RASGRF2: variants seen among roughly 807,000 people sequenced by gnomAD.
RASGRF2 encodes the protein ras-specific guanine nucleotide-releasing factor 2.
Under a neutral mutation model 151.0 loss-of-function variants are expected in RASGRF2, and 76 were observed. The observed-to-expected ratio is 0.50, with a 90% CI of 0.42 to 0.61. RASGRF2 has a LOEUF of 0.61. Ranked by LOEUF, RASGRF2 falls within the 20% of genes least tolerant of loss-of-function variation. RASGRF2 has a pLI of 0.00. For missense variants in RASGRF2, 1,148 were observed against 1,564.6 expected, an observed-to-expected ratio of 0.73 and a Z score of 4.49; for synonymous variants, 504 against 566.5, an observed-to-expected ratio of 0.89 and a Z score of 1.57.
At chr5:81,060,773 C>G (rs1751406250) in intron 2 of RASGRF2, among the ~76,000 whole-genome samples, 4 of 152,182 alleles carry the variant, frequency 2.6e-5, no homozygotes, top group Admixed American at 2.6e-4. Context: ...TGTATTTTCT[C>G]TTTTCTCCCC....
chr5:81,075,159 T>C (rs1162620608), intron 5 of RASGRF2, among the ~76,000 whole-genome samples: 3 of 152,190 alleles, frequency 2.0e-5, no homozygotes, highest in African/African-American at 7.2e-5. Flanking sequence ...TAAGAGATGA[T>C]TATAATGGAG....
At chr5:80,983,381 A>G (rs1748374312) in intron 1 of RASGRF2, among the ~76,000 whole-genome samples, 1 of 152,164 alleles carries the variant, frequency 6.6e-6, no homozygotes, top group Admixed American at 6.5e-5. Flanking sequence ...GGCTCTCTGC[A>G]TGGTTGTGGG....
At chr5:81,112,053 A>G (rs966195862) in intron 13 of RASGRF2, among the ~76,000 whole-genome samples, 1 of 152,158 alleles carries the variant, frequency 6.6e-6, no homozygotes, top group Admixed American at 6.5e-5. Flanking sequence ...GAGAGAAGGA[A>G]TCCACAGAGT....
intron 17 of RASGRF2, among the ~76,000 whole-genome samples, chr5:81,128,154 C>T (rs959163302): frequency 6.6e-6 from 1 of 151,996 alleles, no homozygotes; most frequent in African/African-American, 2.4e-5. Flanking sequence ...AAGCGGGGAG[C>T]TGTTTGGTAA....
rs1464839008 is a variant in RASGRF2 at position 81,112,635 on chromosome 5, G to A, written c.1864G>A (p.Asp622Asn). ...GTCTGATGCCCGTCTTCATAAAGAC[G>A]ACACTGACATTTGCTTCAGTAAAAC... ...IKSDARLHKD[D>N]TDICFSKTLN... is the part of the protein sequence containing the mutation. The change falls in exon 14 of 27, where the codon GAC becomes AAC. Residue 622 changes from aspartate (D) to asparagine (N), a missense_variant. Physicochemically the swap from Asp to Asn is conservative, Grantham distance 23 (BLOSUM62 1). This residue lies in a region of RASGRF2 where 646 missense variants were observed against 807.4 expected (regional missense o/e 0.80). Transcript: ENST00000265080. The A allele has an allele frequency of 7.4e-6, 12 of 1,614,108 alleles. No individual in the cohort carries two copies. The highest frequency in any genetic ancestry group is 1.0e-5 in the Non-Finnish European group (12 of 1,180,024).
intron 17 of RASGRF2, among the ~76,000 whole-genome samples, chr5:81,132,023 T>C (rs891924507): frequency 1.3e-5 from 2 of 152,244 alleles, no homozygotes; most frequent in Non-Finnish European, 2.9e-5. Context: ...CGTTCCCTGT[T>C]AATTTCAACT....
intron 17 of RASGRF2, among the ~76,000 whole-genome samples, chr5:81,172,208 G>A (rs1456239177): frequency 6.6e-6 from 1 of 151,806 alleles, no homozygotes; most frequent in Non-Finnish European, 1.5e-5. Context: ...ATACACAAAG[G>A]TTCTCAATAA....
At chr5:81,142,624 G>T (rs1414547783) in intron 17 of RASGRF2, among the ~76,000 whole-genome samples, 1 of 151,944 alleles carries the variant, frequency 6.6e-6, no homozygotes, top group Admixed American at 6.6e-5. Flanking sequence ...TTTTTACCTT[G>T]CTAGGTTCTC....
At chr5:81,038,738 G>A (rs1362970257) in intron 1 of RASGRF2, among the ~76,000 whole-genome samples, 1 of 151,678 alleles carries the variant, frequency 6.6e-6, no homozygotes, top group Non-Finnish European at 1.5e-5. Flanking sequence ...ACCATATCTG[G>A]CTAATTTTTA....
intron 17 of RASGRF2, among the ~76,000 whole-genome samples, chr5:81,162,183 T>C (rs1461178758): frequency 6.6e-6 from 1 of 150,938 alleles, no homozygotes; most frequent in Non-Finnish European, 1.5e-5. Flanking sequence ...CTTTTTCTTT[T>C]CTTTGTTGGG....
intron 23 of RASGRF2, among the ~76,000 whole-genome samples, chr5:81,215,476 A>G (rs969951959): frequency 2.6e-5 from 4 of 151,866 alleles, no homozygotes; most frequent in Admixed American, 6.6e-5. Flanking sequence ...TCACCATGTT[A>G]GCCAGGATGG....
At position 80,968,861 on chromosome 5, in the gene RASGRF2, T is replaced by A. The variant is rs147958060; in HGVS notation, c.288+7835T>A. ...ACCACACCCAGCTAATTATTTATTT[T>A]TTTTTGGAGATGGGGTCTCCCTGTG... On this transcript the variant is annotated intron_variant, in intron 1 of 26. Transcript: ENST00000265080. Among the ~76,000 whole-genome samples, 235 of 152,108 alleles carry A rather than the reference T, an allele frequency of 1.5e-3. 2 individuals are homozygous for A. The highest frequency in any genetic ancestry group is 5.1e-3 in the African/African-American group (213 of 41,484).
chr5:80,962,423 A>G (rs76432092), intron 1 of RASGRF2, among the ~76,000 whole-genome samples: 1 of 152,232 alleles, frequency 6.6e-6, no homozygotes, highest in East Asian at 1.9e-4. Context: ...GTAACATTCT[A>G]TTGGTGGGAT....
intron 10 of RASGRF2, 148 bp downstream of exon 10, chr5:81,093,109 C>T (rs1252133860): frequency 2.4e-6 from 2 of 818,826 alleles, no homozygotes; most frequent in Non-Finnish European, 3.7e-6. Context: ...CTGTTACCAA[C>T]TCTGCCATTT....
intron 17 of RASGRF2, among the ~76,000 whole-genome samples, chr5:81,142,408 A>G (rs373603708): frequency 2.4e-4 from 36 of 152,286 alleles, no homozygotes; most frequent in African/African-American, 7.5e-4. Flanking sequence ...TCTGAATGCA[A>G]TTCTCTATCT....
Position 81,109,037 on chromosome 5 carries a change from G to A in RASGRF2, c.1797G>A (p.Val599=), listed in dbSNP as rs1561209727. The A allele has an allele frequency of 6.2e-7, 1 of 1,611,418 alleles. No homozygotes were observed. Among genetic ancestry groups the A allele is most frequent in the African/African-American group, 1.3e-5 (1 of 74,914 alleles). The change falls in exon 13 of 27, where the codon GTG becomes GTA. Residue 599 remains valine, a synonymous_variant. Transcript: ENST00000265080. Reference sequence around the variant, plus strand: ...GATGTAATGGTTTAATGACTATAGTGTTTGAAGAGAATTCCAAAGTCACTG... The same window carrying A: ...GATGTAATGGTTTAATGACTATAGTATTTGAAGAGAATTCCAAAGTCACTG... ...NIRCNGLMTI[V]FEENSKVTVP... is the part of the protein sequence containing the mutation.
chr5:81,217,586 T>C (rs1755770336), intron 25 of RASGRF2, 113 bp downstream of exon 25: 3 of 935,182 alleles, frequency 3.2e-6, no homozygotes. Context: ...TTTTTTTTTT[T>C]TTTTTTTTTT....
intron 18 of RASGRF2, among the ~76,000 whole-genome samples, chr5:81,192,097 C>G (rs1755164113): frequency 6.6e-6 from 1 of 152,138 alleles, no homozygotes; most frequent in African/African-American, 2.4e-5. Context: ...AGTATTCTCC[C>G]CCATGGACTT....
chr5:81,104,904 G>A (rs940247442), intron 12 of RASGRF2, among the ~76,000 whole-genome samples: 29 of 152,132 alleles, frequency 1.9e-4, no homozygotes, highest in Admixed American at 3.9e-4. Context: ...CTCACTCCTT[G>A]GCACTTGGGT....
Sources: gnomAD v4.1 joint callset for allele counts (sites outside exome capture counted in the v4.1 genomes callset) on GRCh38, gnomAD v4.1.1 for gene constraint, gnomAD v4.1.1 regional missense constraint, MANE v1.5 for transcripts, NCBI Gene and HGNC (gene_info 2026-07-23, HGNC 2026-07-21) for gene names.